Variants in CMBL observed in about 807,000 individuals in gnomAD.
The protein encoded by CMBL is carboxymethylenebutenolidase homolog, also known as carboxymethylenebutenolidase homolog (Pseudomonas).
Under a neutral mutation model 28.7 loss-of-function variants are expected in CMBL, and 17 were observed. That is an observed-to-expected ratio of 0.59 (90% CI 0.41 to 0.89). CMBL has a LOEUF of 0.89. CMBL is among the 40% of genes least tolerant of loss of function. CMBL has a pLI of 0.00. For missense variants in CMBL, 310 were observed against 298.5 expected (o/e 1.04, Z -0.28); for synonymous variants, 106 against 101.6 (o/e 1.04, Z -0.26).
At position 10,279,374 on chromosome 5, in the gene CMBL, AC is replaced by A. The variant is rs1207863593; in HGVS notation, c.*1078del. 5 of 152,200 alleles carry A rather than the reference AC, an allele frequency of 3.3e-5. No individual in the cohort carries two copies. The highest frequency in any genetic ancestry group is 7.3e-5 in the Non-Finnish European group (5 of 68,030). The allele number at this position is 152,200 out of a possible 1,614,324, so 9.4% of individuals were successfully genotyped here. ...TCCCATATTGCAATATATAAATGTG[AC>A]AAATTCAGCTGTTTTGTGGCATAGA... On this transcript the variant is annotated 3_prime_UTR_variant, in exon 6 of 6. Transcript: ENST00000296658.
chr5:10,298,850 G>A (rs1183926973), intron 1 of CMBL, among the ~76,000 whole-genome samples: 3 of 152,116 alleles, frequency 2.0e-5, no homozygotes, highest in Admixed American at 1.3e-4. Context: ...ACGAGATCGC[G>A]CCACTGCACT....
intron 1 of CMBL, among the ~76,000 whole-genome samples, chr5:10,298,848 G>A (rs1405297814): frequency 5.3e-5 from 8 of 152,244 alleles, no homozygotes; most frequent in South Asian, 2.1e-4. Context: ...AGACGAGATC[G>A]CGCCACTGCA....
chr5:10,299,718 G>A (rs1274864150), intron 1 of CMBL, among the ~76,000 whole-genome samples: 2 of 151,756 alleles, frequency 1.3e-5, no homozygotes, highest in African/African-American at 2.4e-5. Flanking sequence ...GCATGGTGGT[G>A]TGTGCACCTG....
At chr5:10,288,847 A>T (rs553521051) in intron 2 of CMBL, among the ~76,000 whole-genome samples, 21 of 152,276 alleles carry the variant, frequency 1.4e-4, no homozygotes, top group African/African-American at 5.1e-4. Context: ...AGTGGGCCTG[A>T]CGTGGGTGGC....
intron 1 of CMBL, among the ~76,000 whole-genome samples, chr5:10,305,319 C>T (rs1746979895): frequency 6.6e-6 from 1 of 152,088 alleles, no homozygotes; most frequent in Non-Finnish European, 1.5e-5. Context: ...GTGTGAATGA[C>T]TTCTATGTGA....
chr5:10,280,854 A>G (rs543483754), intron 5 of CMBL, among the ~76,000 whole-genome samples: 50 of 152,078 alleles, frequency 3.3e-4, no homozygotes, highest in African/African-American at 1.2e-3. Flanking sequence ...GCTCACTGCA[A>G]CCTCTGCCTC....
At chr5:10,300,702 T>C (rs187872373) in intron 1 of CMBL, among the ~76,000 whole-genome samples, 265 of 152,020 alleles carry the variant, frequency 1.7e-3, no homozygotes, top group African/African-American at 6.0e-3. Context: ...CTCAGAAGAC[T>C]GAAAGGAGGA....
rs370490712 is a variant in CMBL at position 10,282,962 on chromosome 5, C to T, written c.467-674G>A. On this transcript the variant is annotated intron_variant, in intron 4 of 5. Coordinates refer to ENST00000296658, the MANE Select transcript of CMBL (RefSeq NM_138809.4). ...AAAATTAGCTAGGTGTGGTGGCACG[C>T]GCCTGCAATCTCAGCTACTCGGGAG... Among the ~76,000 whole-genome samples the T allele has an allele frequency of 9.3e-4, 141 of 151,822 alleles. 1 individual carries two copies. In the South Asian group the frequency reaches 0.011, roughly 12 times the overall value.
chr5:10,286,378 A>T lies in CMBL; in HGVS notation c.442T>A (p.Phe148Ile). ...CCATAGACGGACACCCCTGCCCTGA[A>T]TTCTGAGTATTTCATCATCAAATGA... is the stretch of plus-strand genomic sequence containing the variant. ...VHHLMMKYSE[F>I]RAGVSVYGIV... The change falls in exon 4 of 6, where the codon TTC (phenylalanine) becomes ATC (isoleucine). Residue 148 changes from phenylalanine to isoleucine, a missense_variant. Coordinates refer to ENST00000296658, the MANE Select transcript of CMBL (RefSeq NM_138809.4). The T allele has an allele frequency of 6.2e-7, 1 of 1,614,062 alleles. No homozygotes were observed. Among genetic ancestry groups the T allele is most frequent in the Non-Finnish European group, 8.5e-7 (1 of 1,179,962 alleles).
intron 1 of CMBL, among the ~76,000 whole-genome samples, chr5:10,293,965 G>A (rs1746768557): frequency 6.6e-6 from 1 of 152,228 alleles, no homozygotes; most frequent in African/African-American, 2.4e-5. Context: ...ATTTACAATG[G>A]TGTATTGGGG....
At chr5:10,305,666 G>A (rs1746989969) in intron 1 of CMBL, among the ~76,000 whole-genome samples, 1 of 152,116 alleles carries the variant, frequency 6.6e-6, no homozygotes, top group African/African-American at 2.4e-5. Context: ...CTGCCCCACT[G>A]GTTCAAACGA....
At chr5:10,306,323 G>A (rs1027836463) in intron 1 of CMBL, among the ~76,000 whole-genome samples, 5 of 152,150 alleles carry the variant, frequency 3.3e-5, no homozygotes, top group Non-Finnish European at 7.3e-5. Flanking sequence ...GGAAGTCTAG[G>A]AATACATCTC....
chr5:10,292,355 C>T (rs1746738049), intron 1 of CMBL, among the ~76,000 whole-genome samples: 2 of 152,106 alleles, frequency 1.3e-5, no homozygotes, highest in South Asian at 4.1e-4. Flanking sequence ...ATGGCACACA[C>T]CACCACAATC....
chr5:10,297,569 CAAA>C (rs551779818), intron 1 of CMBL, among the ~76,000 whole-genome samples: 2 of 65,476 alleles, frequency 3.1e-5, no homozygotes. Flanking sequence ...AACTCTATCT[CAAA>C]AAAAAAAAAA....
In CMBL at chr5:10,287,742, G is replaced by A. The variant is rs894568044; in HGVS notation, c.323+680C>T. Among the ~76,000 whole-genome samples the A allele has an allele frequency of 3.3e-5, 5 of 150,092 alleles. No homozygotes were observed. The South Asian group carries it at 6.3e-4, about 19-fold the overall frequency. On this transcript the variant is annotated intron_variant, in intron 3 of 5. Coordinates refer to ENST00000296658, the MANE Select transcript of CMBL (RefSeq NM_138809.4). ...TCTTTTTTTTTTGAGATGGAGTCTC[G>A]CTCTGTCCCCCAGGCTGGAGTGCAG... is the stretch of plus-strand genomic sequence containing the variant.
intron 1 of CMBL, among the ~76,000 whole-genome samples, chr5:10,291,567 A>T (rs925845128): frequency 2.6e-5 from 4 of 151,838 alleles, no homozygotes; most frequent in Admixed American, 6.6e-5. Flanking sequence ...AGGCTGAGGC[A>T]GGAGAATGGC....
chr5:10,301,212 T>C (rs1048888993), intron 1 of CMBL, among the ~76,000 whole-genome samples: 7 of 152,334 alleles, frequency 4.6e-5, no homozygotes, highest in East Asian at 1.9e-4. Context: ...AGGGTGGCTG[T>C]TATATAATTC....
chr5:10,294,975 G>A (rs1746783240), intron 1 of CMBL, among the ~76,000 whole-genome samples: 1 of 152,194 alleles, frequency 6.6e-6, no homozygotes. Context: ...CACGATAGAA[G>A]TTCAAGGGCC....
Position 10,290,653 on chromosome 5 carries a change from G to C in CMBL, c.110C>G (p.Ser37Cys). 1.9e-6 allele frequency: 3 copies of C among 1,614,178 alleles called. No homozygotes were observed. The highest frequency in any genetic ancestry group is 2.5e-6 in the Non-Finnish European group (3 of 1,180,034). ...VEHIKAYVTK[S>C]PVDAGKAVIV... Reference sequence around the variant, plus strand: ...CACAGCTTTGCCTGCATCAACGGGGGATTTGGTGACATAAGCCTTGATGTG... The same window carrying C: ...CACAGCTTTGCCTGCATCAACGGGGCATTTGGTGACATAAGCCTTGATGTG... Residue 37 changes from serine (S) to cysteine (C), a missense_variant, in exon 2 of 6, where the codon TCC (serine) becomes TGC (cysteine). By Grantham distance (112) the Ser-to-Cys change is moderately radical. Transcript: ENST00000296658.
Sources: gnomAD v4.1 joint callset for allele counts (sites outside exome capture counted in the v4.1 genomes callset) on GRCh38, gnomAD v4.1.1 for gene constraint, MANE v1.5 for transcripts, NCBI Gene and HGNC (gene_info 2026-07-23, HGNC 2026-07-21) for gene names.